SPATA16: variants seen among roughly 807,000 people sequenced by gnomAD.
SPATA16 encodes spermatogenesis-associated protein 16.
A neutral mutation model predicts 63.3 loss-of-function variants in SPATA16; 36 were observed. That is an observed-to-expected ratio of 0.57 (90% CI 0.44 to 0.75). The LOEUF is 0.75. Among genes scored for constraint, SPATA16 ranks in the 30% least tolerant of loss-of-function variants. The pLI, the probability that SPATA16 is intolerant of heterozygous loss-of-function variation, is 0.00. For missense variants in SPATA16, 646 were observed against 679.3 expected (o/e 0.95, Z 0.54); for synonymous variants, 203 against 216.7 (o/e 0.94, Z 0.56).
intron 9 of SPATA16, among the ~76,000 whole-genome samples, chr3:172,915,747 T>A (rs1463510512): frequency 1.3e-5 from 2 of 152,196 alleles, no homozygotes; most frequent in Non-Finnish European, 2.9e-5. Context: ...TGTCTGGTTT[T>A]CTGAATAAAC....
chr3:172,907,051 A>C (rs1410374982), intron 10 of SPATA16, among the ~76,000 whole-genome samples: 3 of 152,204 alleles, frequency 2.0e-5, no homozygotes, highest in African/African-American at 7.2e-5. Flanking sequence ...AGCTCAGAAA[A>C]TATTAACTCC....
Position 172,988,460 on chromosome 3 carries a change from G to A in SPATA16, c.849-11408C>T, listed in dbSNP as rs76197253. ...TGCAAGAAGCTCTGTACCTCTAGGC[G>A]CCTCCTCAATATGCCAATCGTGCTT... On this transcript the variant is annotated intron_variant, in intron 4 of 10. Coordinates refer to ENST00000351008, the MANE Select transcript of SPATA16 (RefSeq NM_031955.6). 1.1e-4 allele frequency among the ~76,000 whole-genome samples: 17 copies of A among 152,208 alleles called. 1 individual carries two copies. In the East Asian group the frequency reaches 2.7e-3, roughly 24 times the overall value.
At chr3:173,111,000 A>G (rs1172394418) in intron 2 of SPATA16, among the ~76,000 whole-genome samples, 1 of 152,244 alleles carries the variant, frequency 6.6e-6, no homozygotes, top group African/African-American at 2.4e-5. Flanking sequence ...TAACAAGATT[A>G]CTATAGAATT....
chr3:173,009,504 T>C (rs1310551863), intron 4 of SPATA16, among the ~76,000 whole-genome samples: 1 of 152,186 alleles, frequency 6.6e-6, no homozygotes, highest in Non-Finnish European at 1.5e-5. Context: ...GAGGCACCAC[T>C]CAAGCCCATG....
At chr3:173,083,476 TACTTA>T (rs1194358935) in intron 2 of SPATA16, among the ~76,000 whole-genome samples, 2 of 152,192 alleles carry the variant, frequency 1.3e-5, no homozygotes, top group Non-Finnish European at 2.9e-5. Context: ...ATAGACCATA[TACTTA>T]ACTTTATTAT....
chr3:172,932,591 T>C (rs552475226), intron 6 of SPATA16, among the ~76,000 whole-genome samples: 1 of 152,320 alleles, frequency 6.6e-6, no homozygotes, highest in Non-Finnish European at 1.5e-5. Flanking sequence ...TGCTAATACT[T>C]CTATCTTGGA....
intron 2 of SPATA16, among the ~76,000 whole-genome samples, chr3:173,106,058 TA>T (rs886999603): frequency 3.2e-4 from 49 of 152,172 alleles, no homozygotes; most frequent in Non-Finnish European, 8.8e-5. Flanking sequence ...AACCCAGCAA[TA>T]GGTAATAACA....
chr3:172,953,897 G>A (rs1386374380), intron 6 of SPATA16, among the ~76,000 whole-genome samples: 1 of 152,188 alleles, frequency 6.6e-6, no homozygotes, highest in East Asian at 1.9e-4. Flanking sequence ...GAGTGCCCTG[G>A]GATGAGACAG....
chr3:172,958,659 T>G lies in SPATA16; in HGVS notation c.934-1835A>C, dbSNP rs532754094. Among the ~76,000 whole-genome samples, 485 of 152,314 alleles carry G rather than the reference T, an allele frequency of 3.2e-3. 2 individuals carry two copies. The highest frequency in any genetic ancestry group is 0.011 in the African/African-American group (474 of 41,576). On this transcript the variant is annotated intron_variant, in intron 5 of 10. Transcript: ENST00000351008. ...ACAGAAATTTATTTTCTCACAGTTC[T>G]GGAGACTGGAAGTCCAAGACAGTGG... is the stretch of plus-strand genomic sequence containing the variant.
intron 9 of SPATA16, among the ~76,000 whole-genome samples, chr3:172,916,090 G>A (rs1055516851): frequency 2.0e-5 from 3 of 152,056 alleles, no homozygotes; most frequent in Admixed American, 6.6e-5. Flanking sequence ...ACATCACAAC[G>A]TTTTTGCTGT....
intron 4 of SPATA16, among the ~76,000 whole-genome samples, chr3:173,009,835 T>A (rs759848776): frequency 2.0e-5 from 3 of 152,238 alleles, no homozygotes; most frequent in Non-Finnish European, 2.9e-5. Flanking sequence ...AAAGTGCACT[T>A]CACAGGGCAG....
At chr3:172,918,569 A>G (rs921874461) in intron 8 of SPATA16, among the ~76,000 whole-genome samples, 2 of 152,124 alleles carry the variant, frequency 1.3e-5, no homozygotes, top group African/African-American at 4.8e-5. Flanking sequence ...TTGAAAGACA[A>G]AGTGAAAAAG....
rs144771768 is a variant in SPATA16, at chr3:173,067,245, C to G, written c.613-18151G>C. Reference sequence around the variant, plus strand: ...GGACTGAACAAAGAAAATGTGATACCTATACACCATGGAATACTACATAAC... The same window carrying G: ...GGACTGAACAAAGAAAATGTGATACGTATACACCATGGAATACTACATAAC... On this transcript the variant is annotated intron_variant, in intron 2 of 10. Transcript: ENST00000351008. Among the ~76,000 whole-genome samples, 564 of 152,168 alleles carry G rather than the reference C, an allele frequency of 3.7e-3. 10 individuals are homozygous for G. The highest frequency in any genetic ancestry group is 0.031 in the Admixed American group (476 of 15,292).
intron 6 of SPATA16, among the ~76,000 whole-genome samples, chr3:172,931,355 C>T (rs1732868600): frequency 6.6e-6 from 1 of 152,200 alleles, no homozygotes; most frequent in African/African-American, 2.4e-5. Flanking sequence ...ATCCTCCTGC[C>T]TCAGACTCCA....
chr3:173,083,131 T>TA (rs1328181255), intron 2 of SPATA16, among the ~76,000 whole-genome samples: 4 of 152,082 alleles, frequency 2.6e-5, no homozygotes, highest in Admixed American at 2.6e-4. Flanking sequence ...GCTTTTTTTT[T>TA]ACTACACTGT....
chr3:173,070,259 G>A (rs990956752), intron 2 of SPATA16, among the ~76,000 whole-genome samples: 3 of 151,988 alleles, frequency 2.0e-5, no homozygotes, highest in African/African-American at 7.3e-5. Flanking sequence ...GGCAGGTGTG[G>A]TGGCTCACAC....
intron 10 of SPATA16, among the ~76,000 whole-genome samples, chr3:172,898,781 G>T (rs1732062743): frequency 6.7e-6 from 1 of 150,348 alleles, no homozygotes; most frequent in Non-Finnish European, 1.5e-5. Flanking sequence ...TCTTTTTCTA[G>T]GTTTTTGAAC....
chr3:173,114,641 G>T (rs953610728), intron 2 of SPATA16, among the ~76,000 whole-genome samples: 21 of 152,238 alleles, frequency 1.4e-4, no homozygotes, highest in African/African-American at 5.1e-4. Context: ...CACTTATTTT[G>T]CAGCCAAACC....
chr3:173,014,606 A>T lies in SPATA16; in HGVS notation c.848+4880T>A, dbSNP rs115032490. Among the ~76,000 whole-genome samples the T allele has an allele frequency of 2.4e-3, 371 of 152,372 alleles. 2 individuals carry two copies. The highest frequency in any genetic ancestry group is 8.6e-3 in the African/African-American group (356 of 41,588). On this transcript the variant is annotated intron_variant, in intron 4 of 10. Transcript: ENST00000351008. ...CTAAAATGAAAGTTGAAAATATTTT[A>T]AAAAGTAAATAAATTTATTGGAATG...
Sources: allele counts gnomAD v4.1 joint callset (sites outside exome capture counted in the v4.1 genomes callset), GRCh38; gene constraint gnomAD v4.1.1; transcripts MANE v1.5; gene names NCBI Gene and HGNC (gene_info 2026-07-23, HGNC 2026-07-21).